Variants in UNC13C observed in about 807,000 individuals in gnomAD.
UNC13C encodes unc-13 homolog C.
A neutral mutation model predicts 245.4 loss-of-function variants in UNC13C; 174 were observed. That is an observed-to-expected ratio of 0.71 (90% CI 0.63 to 0.80). The LOEUF (loss-of-function observed/expected upper bound fraction) is 0.80. Among genes scored for constraint, UNC13C ranks in the 30% least tolerant of loss-of-function variants. The pLI is 0.00. For synonymous variants in UNC13C, 992 were observed against 895.1 expected (o/e 1.11, Z -1.93); for missense variants, 2,829 against 2,602.9 (o/e 1.09, Z -1.89).
intron 2 of UNC13C, among the ~76,000 whole-genome samples, chr15:54,110,385 A>G (rs925496803): frequency 5.9e-5 from 9 of 152,224 alleles, no homozygotes; most frequent in African/African-American, 9.6e-5. Context: ...CCATATAGCA[A>G]TACCAATAGA....
intron 4 of UNC13C, among the ~76,000 whole-genome samples, chr15:54,189,550 A>G (rs1438323552): frequency 6.6e-6 from 1 of 152,216 alleles, no homozygotes; most frequent in Non-Finnish European, 1.5e-5. Context: ...CTGCAGAGGC[A>G]GATGAAAGAG....
chr15:54,221,563 G>A (rs2035227473), intron 4 of UNC13C, among the ~76,000 whole-genome samples: 1 of 151,802 alleles, frequency 6.6e-6, no homozygotes, highest in Admixed American at 6.6e-5. Flanking sequence ...TAAATAAAAA[G>A]AGTTGTTTGT....
At chr15:54,494,839 G>C in intron 20 of UNC13C, 105 bp downstream of exon 20, 2 of 1,312,630 alleles carry the variant, frequency 1.5e-6, no homozygotes, top group Non-Finnish European at 2.1e-6. Context: ...AATCTTCATT[G>C]GAATGCAGAA....
At chr15:54,318,154 C>G (rs1197732566) in intron 13 of UNC13C, among the ~76,000 whole-genome samples, 3 of 151,946 alleles carry the variant, frequency 2.0e-5, no homozygotes, top group South Asian at 4.1e-4. Context: ...TAGGTTGATT[C>G]TATTCCTTGG....
chr15:54,106,947 C>T (rs1383882441), intron 2 of UNC13C, among the ~76,000 whole-genome samples: 2 of 152,214 alleles, frequency 1.3e-5, no homozygotes, highest in African/African-American at 4.8e-5. Flanking sequence ...TATATGTTCC[C>T]TGCTGTGTAG....
At chr15:54,148,957 C>G (rs1296571893) in intron 4 of UNC13C, among the ~76,000 whole-genome samples, 1 of 152,162 alleles carries the variant, frequency 6.6e-6, no homozygotes, top group Non-Finnish European at 1.5e-5. Flanking sequence ...TCACCTAAAT[C>G]TCATCTCAAA....
chr15:53,990,811 A>C (rs1187419189), intron 1 of UNC13C, among the ~76,000 whole-genome samples: 1 of 152,030 alleles, frequency 6.6e-6, no homozygotes, highest in Non-Finnish European at 1.5e-5. Context: ...ACATTCTCTT[A>C]AGGGCCAGAG....
At chr15:53,857,803 A>T in the UNC13C span, among the ~76,000 whole-genome samples, 1 of 152,190 alleles carries the variant, frequency 6.6e-6, no homozygotes, top group Non-Finnish European at 1.5e-5. Context: ...AAATTATATA[A>T]ATGTTATCTG....
intron 2 of UNC13C, among the ~76,000 whole-genome samples, chr15:54,122,820 G>A (rs1438775462): frequency 1.5e-4 from 23 of 151,980 alleles, no homozygotes; most frequent in Non-Finnish European, 5.9e-5. Flanking sequence ...ATTTCTTGTT[G>A]TTTGGATAGA....
At chr15:54,562,280 C>T (rs115229828) in intron 29 of UNC13C, among the ~76,000 whole-genome samples, 6 of 152,022 alleles carry the variant, frequency 3.9e-5, no homozygotes, top group Non-Finnish European at 7.4e-5. Flanking sequence ...ATGGATATTT[C>T]TGCTACCATT....
the UNC13C span, among the ~76,000 whole-genome samples, chr15:53,892,180 C>T: frequency 6.6e-6 from 1 of 152,172 alleles, no homozygotes; most frequent in Non-Finnish European, 1.5e-5. Flanking sequence ...AAATTCTTTT[C>T]TTAAAGAATG....
At chr15:54,629,778 T>C (rs970838461), downstream of UNC13C, 6 of 152,300 alleles carry the variant, frequency 3.9e-5, no homozygotes, top group South Asian at 6.2e-4. Context: ...TCACTTTAAA[T>C]TGAGCAAGGT....
chr15:53,945,153 C>A, the UNC13C span, among the ~76,000 whole-genome samples: 5 of 151,528 alleles, frequency 3.3e-5, no homozygotes, highest in Non-Finnish European at 5.9e-5. Flanking sequence ...GATATTAGTC[C>A]TTTGTCAGAT....
chr15:54,485,084 A>AAATG (rs1893335397), intron 19 of UNC13C, among the ~76,000 whole-genome samples: 1 of 152,198 alleles, frequency 6.6e-6, no homozygotes, highest in Non-Finnish European at 1.5e-5. Flanking sequence ...ACAGAAAAAA[A>AAATG]AATGAGTAAG....
chr15:54,625,379 G>T (rs980952962), intron 32 of UNC13C, among the ~76,000 whole-genome samples: 2 of 152,122 alleles, frequency 1.3e-5, no homozygotes, highest in Admixed American at 6.6e-5. Context: ...GAAACTGGGC[G>T]ATACCTGGCA....
rs189203206 is a variant in UNC13C at position 54,376,073 on chromosome 15, C to T, written c.4714-16975C>T. On this transcript the variant is annotated intron_variant, in intron 17 of 32. Coordinates refer to ENST00000260323, the MANE Select transcript of UNC13C (RefSeq NM_001080534.3). Reference sequence around the variant, plus strand: ...GTATTCTTTCTGTCTTTAAGACAATCCTTAATTCCTGGAGAAGAGACATTG... The same window carrying T: ...GTATTCTTTCTGTCTTTAAGACAATTCTTAATTCCTGGAGAAGAGACATTG... Among the ~76,000 whole-genome samples, 326 of 151,932 alleles carry T rather than the reference C, an allele frequency of 2.1e-3. 1 individual carries two copies. The highest frequency in any genetic ancestry group is 6.8e-3 in the African/African-American group (284 of 41,462).
chr15:54,259,878 A>G (rs1319440227), intron 8 of UNC13C, among the ~76,000 whole-genome samples: 2 of 152,092 alleles, frequency 1.3e-5, no homozygotes, highest in Admixed American at 1.3e-4. Context: ...TTGTCTTTTC[A>G]TAAGATTTAT....
At chr15:54,584,530 T>G (rs575262922) in intron 30 of UNC13C, among the ~76,000 whole-genome samples, 70 of 152,316 alleles carry the variant, frequency 4.6e-4, no homozygotes, top group African/African-American at 1.7e-3. Context: ...AAAATGATGT[T>G]GAAAGGCAGT....
At chr15:53,957,151 GTTT>G in the UNC13C span, among the ~76,000 whole-genome samples, 27 of 116,894 alleles carry the variant, frequency 2.3e-4, no homozygotes, top group African/African-American at 3.8e-4. Flanking sequence ...TTGTTTGTTT[GTTT>G]TTTTTGAGAC....
Sources: allele counts gnomAD v4.1 joint callset (sites outside exome capture counted in the v4.1 genomes callset), GRCh38; gene constraint gnomAD v4.1.1; transcripts MANE v1.5; gene names NCBI Gene and HGNC (gene_info 2026-07-23, HGNC 2026-07-21).